ACAA1: variants seen among roughly 807,000 people sequenced by gnomAD.
ACAA1 encodes 3-ketoacyl-CoA thiolase, peroxisomal.
In ACAA1, 44 loss-of-function variants were observed where a neutral mutation model predicts 48.8. That is an observed-to-expected ratio of 0.90 (90% confidence interval 0.71 to 1.16). The LOEUF is 1.16. Ranked by LOEUF, ACAA1 falls within the 50% of genes most tolerant of loss-of-function variation. ACAA1 has a pLI of 0.00. For synonymous variants in ACAA1, 233 were observed against 226.5 expected, an observed-to-expected ratio of 1.03 and a Z score of -0.26; for missense variants, 512 against 562.3, an observed-to-expected ratio of 0.91 and a Z score of 0.90.
chr3:38,125,345 T>A, intron 11 of ACAA1: 1 of 425,166 alleles, frequency 2.4e-6, no homozygotes. Flanking sequence ...GAACATGGAG[T>A]TTGATCTGTA....
chr3:38,132,532 G>C (rs1404346931), intron 3 of ACAA1: 2 of 153,130 alleles, frequency 1.3e-5, no homozygotes, highest in Non-Finnish European at 2.9e-5. Flanking sequence ...CCTAGACGAA[G>C]CACTCTGATG....
rs1418818354 is a variant in ACAA1 at position 38,137,052 on chromosome 3, G to A, written c.-17C>T. 6.5e-7 allele frequency: 1 copy of A among 1,541,146 alleles called. No homozygotes were observed. Among genetic ancestry groups the A allele is most frequent in the Non-Finnish European group, 8.7e-7 (1 of 1,147,300 alleles). ...CCTCTGCATTGCGCAGGTCAACCCTGCAGACCAGCCACCAGTCCGGGAACT... is the reference window on the plus strand; with the variant it reads ...CCTCTGCATTGCGCAGGTCAACCCTACAGACCAGCCACCAGTCCGGGAACT... On this transcript the variant is annotated 5_prime_UTR_variant, in exon 1 of 12. An upstream open reading frame in the 5' UTR gains an earlier in-frame stop. Coordinates refer to ENST00000333167, the MANE Select transcript of ACAA1 (RefSeq NM_001607.4).
At chr3:38,128,782 A>G (rs1200192729) in intron 6 of ACAA1, among the ~76,000 whole-genome samples, 1 of 152,120 alleles carries the variant, frequency 6.6e-6, no homozygotes, top group East Asian at 1.9e-4. Flanking sequence ...CAGTAGAGAC[A>G]GGGTTTCACT....
intron 4 of ACAA1, 132 bp from the exon 5 acceptor site, chr3:38,131,770 C>G (rs1293891711): frequency 7.8e-7 from 1 of 1,276,290 alleles, no homozygotes; most frequent in Non-Finnish European, 1.1e-6. Context: ...CAGGAGTGTT[C>G]AGAAAAGGCT....
At chr3:38,125,903 G>T in intron 9 of ACAA1, 22 bp from the exon 10 acceptor site, 1 of 1,614,086 alleles carries the variant, frequency 6.2e-7, no homozygotes, top group Non-Finnish European at 8.5e-7. Context: ...GTAAAGACCT[G>T]AGCTGACACA....
chr3:38,136,510 T>G lies in ACAA1; in HGVS notation c.265+82A>C, dbSNP rs548977459. On this transcript the variant is annotated intron_variant, in intron 2 of 11. Transcript: ENST00000333167. ...GCCATGGAGGTTCCCCCAGTGAAAA[T>G]TCGGGGCGGGGAGGTGAGGAGAGCT... The G allele has an allele frequency of 8.7e-6, 13 of 1,501,566 alleles. No individual in the cohort carries two copies. In the African/African-American group the frequency reaches 1.7e-4, roughly 19 times the overall value. 93.0% of individuals were successfully genotyped at this position (1,501,566 alleles called of 1,614,324 possible).
chr3:38,136,706 G>A, intron 1 of ACAA1, 21 bp from the exon 2 acceptor site: 2 of 1,592,166 alleles, frequency 1.3e-6, no homozygotes, highest in Non-Finnish European at 1.7e-6. Context: ...AAGAGCAGCC[G>A]CAGTGACCCC....
Position 38,126,295 on chromosome 3 carries a change from G to C in ACAA1, c.864C>G (p.Ala288=). 1 of 1,614,174 alleles carries C rather than the reference G, an allele frequency of 6.2e-7. No individual in the cohort carries two copies. The highest frequency in any genetic ancestry group is 1.1e-5 in the South Asian group (1 of 91,088). Residue 288 remains alanine (A), a synonymous_variant, in exon 9 of 12, where the codon GCC becomes GCG. Transcript: ENST00000333167. This position sits in a 1 kb window ranked among gnomAD's most constrained non-coding sequence, Gnocchi z 4.7. The part of the protein sequence containing the change: ...VSDGAAAILL[A]RRSKAEELGL... ...CCAACTCTTCTGCCTTGGACCTCCGGGCCAGCAGGATGGCAGCTGCCCCAT... is the reference window on the plus strand; with the variant it reads ...CCAACTCTTCTGCCTTGGACCTCCGCGCCAGCAGGATGGCAGCTGCCCCAT...
intron 11 of ACAA1, chr3:38,124,318 C>CTGAT (rs1031022004): frequency 1.3e-5 from 2 of 152,192 alleles, no homozygotes; most frequent in Non-Finnish European, 2.9e-5. Context: ...TGATCAAAAA[C>CTGAT]TGATAGAGCC....
chr3:38,123,053 C>T lies in ACAA1; in HGVS notation c.1269G>A (p.Gly423=). ...CTCCAGCCTGGGACCTCACTCAGTT[C>T]CCAGGGTATTCAAAGACGGCAGCGG... The part of the protein sequence containing the change: ...MGAAAVFEYP[G]N Residue 423 remains glycine (G), a synonymous_variant, in exon 12 of 12, where the codon GGG becomes GGA. Coordinates refer to ENST00000333167, the MANE Select transcript of ACAA1 (RefSeq NM_001607.4). The T allele has an allele frequency of 1.9e-6, 3 of 1,614,142 alleles. No homozygotes were observed. Among genetic ancestry groups the T allele is most frequent in the Admixed American group, 1.7e-5 (1 of 60,020 alleles).
At chr3:38,125,933 G>A (rs565264031) in intron 9 of ACAA1, 52 bp from the exon 10 acceptor site, 3 of 1,609,464 alleles carry the variant, frequency 1.9e-6, no homozygotes, top group African/African-American at 2.7e-5. Context: ...TGCCTCCCCT[G>A]GGGCCCACCC....
intron 3 of ACAA1, 79 bp downstream of exon 3, chr3:38,133,873 T>G (rs913646050): frequency 1.3e-6 from 2 of 1,487,550 alleles, no homozygotes; most frequent in African/African-American, 2.8e-5. Context: ...CTCCCCAACC[T>G]GCACACTGAG....
At chr3:38,124,142 G>A (rs1700621086) in intron 11 of ACAA1, 1 of 152,090 alleles carries the variant, frequency 6.6e-6, no homozygotes, top group African/African-American at 2.4e-5. Flanking sequence ...AAACACTCAG[G>A]TATGCTAACA....
intron 7 of ACAA1, among the ~76,000 whole-genome samples, chr3:38,127,230 T>C (rs1700699059): frequency 6.6e-6 from 1 of 152,212 alleles, no homozygotes; most frequent in African/African-American, 2.4e-5. Flanking sequence ...GTGGAAGGAA[T>C]CTAAGGCTTC....
At chr3:38,136,771 T>G (rs1575269399) in intron 1 of ACAA1, 86 bp from the exon 2 acceptor site, 1 of 1,487,356 alleles carries the variant, frequency 6.7e-7, no homozygotes, top group Middle Eastern at 2.0e-4. Flanking sequence ...GGTGCGGAGC[T>G]GCCTCCGGCG....
Position 38,136,860 on chromosome 3 carries a change from C to T in ACAA1, c.171+5G>A. 6.6e-7 allele frequency: 1 copy of T among 1,524,008 alleles called. No homozygotes were observed. 94.4% of individuals were successfully genotyped at this position (1,524,008 alleles called of 1,614,324 possible). ...ACACTCGGCGCCCAGACCCTCGGGC[C>T]TCACCTTGAAGCCGCCGCGGCCCGC... On this transcript the variant is annotated splice_donor_5th_base_variant and intron_variant, in intron 1 of 11. Transcript: ENST00000333167.
rs180733159 is a variant in ACAA1 at position 38,127,576 on chromosome 3, G to A, written c.626+210C>T. On this transcript the variant is annotated intron_variant, in intron 7 of 11. Transcript: ENST00000333167. ...GAGGCCTAGCTAGGGCAAAGTCAGG[G>A]TGAACAGACAGTAATAGAACCTGGA... 8 of 594,892 alleles carry A rather than the reference G, an allele frequency of 1.3e-5. No individual in the cohort carries two copies. In the Admixed American group the frequency reaches 1.4e-4, roughly 11 times the overall value. The allele number at this position is 594,892 out of a possible 1,614,324, so 36.9% of individuals were successfully genotyped here.
At chr3:38,132,483 C>T (rs1201815618) in intron 3 of ACAA1, 1 of 156,248 alleles carries the variant, frequency 6.4e-6, no homozygotes, top group East Asian at 1.9e-4. Context: ...ATATAGCTAA[C>T]CCTGCATGTT....
In ACAA1 at chr3:38,129,909, G is replaced by A. The variant is rs1425796169; in HGVS notation, c.447-521C>T. On this transcript the variant is annotated intron_variant, in intron 5 of 11. Coordinates refer to ENST00000333167, the MANE Select transcript of ACAA1 (RefSeq NM_001607.4). The surrounding 1 kb of genome is among the most constrained non-coding windows in gnomAD (Gnocchi z 5.3). The stretch of plus-strand genomic sequence containing the variant: ...CTACTAAAAATACAAAACATTAGCC[G>A]GGCATGGTGGCAGGCGCCAGGGTGG... Among the ~76,000 whole-genome samples the A allele has an allele frequency of 2.0e-5, 3 of 152,174 alleles. No individual in the cohort carries two copies. Among genetic ancestry groups the A allele is most frequent in the African/African-American group, 7.2e-5 (3 of 41,444 alleles).
Sources: allele counts gnomAD v4.1 joint callset (sites outside exome capture counted in the v4.1 genomes callset), GRCh38; gene constraint gnomAD v4.1.1; non-coding constraint Gnocchi (gnomAD v3.1); transcripts MANE v1.5; gene names NCBI Gene and HGNC (gene_info 2026-07-23, HGNC 2026-07-21).